Variants in GALNTL6 observed in about 807,000 individuals in gnomAD.
The protein encoded by GALNTL6 is polypeptide N-acetylgalactosaminyltransferase-like 6.
In GALNTL6, 46 loss-of-function variants were observed where a neutral mutation model predicts 73.7. That is an observed-to-expected ratio of 0.62 (90% CI 0.49 to 0.80). GALNTL6 has a LOEUF of 0.80. Among genes scored for constraint, GALNTL6 ranks in the 30% least tolerant of loss-of-function variants. The pLI, the probability that GALNTL6 is intolerant of heterozygous loss-of-function variation, is 0.00. For missense variants in GALNTL6, 604 were observed against 755.0 expected (o/e 0.80, Z 2.34); for synonymous variants, 259 against 263.7 (o/e 0.98, Z 0.17).
At chr4:171,860,146 G>A (rs1735795902) in intron 2 of GALNTL6, among the ~76,000 whole-genome samples, 1 of 152,054 alleles carries the variant, frequency 6.6e-6, no homozygotes, top group African/African-American at 2.4e-5. Flanking sequence ...CACATATTTA[G>A]CTTATAGAAT....
rs145211078 is a variant in GALNTL6, at chr4:172,095,427, A to G, written c.139-134229A>G. On this transcript the variant is annotated intron_variant, in intron 2 of 12. Coordinates refer to ENST00000506823, the MANE Select transcript of GALNTL6 (RefSeq NM_001034845.3). ...GGAAGTGGTGGAAAAAAATGCAAAC[A>G]AAAAGCTGTGCTATGGGCAGAAAAA... is the stretch of plus-strand genomic sequence containing the variant. 3.4e-4 allele frequency among the ~76,000 whole-genome samples: 52 copies of G among 152,292 alleles called. No individual in the cohort carries two copies. The East Asian group carries it at 8.3e-3, about 24-fold the overall frequency.
At chr4:172,657,883 G>A (rs1731127426) in intron 5 of GALNTL6, among the ~76,000 whole-genome samples, 1 of 152,176 alleles carries the variant, frequency 6.6e-6, no homozygotes, top group Non-Finnish European at 1.5e-5. Context: ...GGGCGCCGTG[G>A]CTCACGCCTG....
chr4:171,858,867 AAATT>A, intron 2 of GALNTL6, among the ~76,000 whole-genome samples: 1 of 152,122 alleles, frequency 6.6e-6, no homozygotes, highest in East Asian at 1.9e-4. Flanking sequence ...TACAACTATA[AAATT>A]AATAAGATAT....
intron 4 of GALNTL6, among the ~76,000 whole-genome samples, chr4:172,339,032 G>T (rs1421635928): frequency 6.6e-6 from 1 of 152,128 alleles, no homozygotes; most frequent in Non-Finnish European, 1.5e-5. Flanking sequence ...TGATATGGGT[G>T]AGTGAGTGCT....
chr4:172,738,970 T>C (rs1408941771), intron 5 of GALNTL6, among the ~76,000 whole-genome samples: 1 of 152,160 alleles, frequency 6.6e-6, no homozygotes, highest in African/African-American at 2.4e-5. Context: ...AGTTTTACCA[T>C]GCAGATGAAG....
At chr4:172,939,223 G>A (rs561834354) in intron 9 of GALNTL6, among the ~76,000 whole-genome samples, 39 of 152,294 alleles carry the variant, frequency 2.6e-4, no homozygotes, top group Middle Eastern at 3.4e-3. Context: ...TTGAGCCCGG[G>A]AAGTCAAGGC....
chr4:171,954,946 C>T (rs991586495), intron 2 of GALNTL6, among the ~76,000 whole-genome samples: 2 of 152,172 alleles, frequency 1.3e-5, no homozygotes, highest in African/African-American at 2.4e-5. Flanking sequence ...GAGGCCTCCC[C>T]AGCCCTGCTT....
chr4:172,856,643 A>G (rs1744136752), intron 7 of GALNTL6, among the ~76,000 whole-genome samples: 1 of 87,926 alleles, frequency 1.1e-5, no homozygotes. Flanking sequence ...TGTGGTTTCT[A>G]CTCTTCTGTC....
intron 5 of GALNTL6, among the ~76,000 whole-genome samples, chr4:172,654,049 TACAGAG>T (rs1277102992): frequency 6.6e-6 from 1 of 152,122 alleles, no homozygotes; most frequent in African/African-American, 2.4e-5. Flanking sequence ...CTCTCAAACA[TACAGAG>T]ACAGAGAGAG....
At chr4:171,880,265 G>T (rs1736401440) in intron 2 of GALNTL6, among the ~76,000 whole-genome samples, 1 of 152,134 alleles carries the variant, frequency 6.6e-6, no homozygotes, top group Non-Finnish European at 1.5e-5. Context: ...ACTAAAACAA[G>T]GTTACTTTGT....
chr4:172,264,803 G>A (rs866369053), intron 3 of GALNTL6, among the ~76,000 whole-genome samples: 6 of 149,920 alleles, frequency 4.0e-5, no homozygotes, highest in African/African-American at 1.5e-4. Flanking sequence ...GTATTCATGA[G>A]CTTTATCCTA....
intron 5 of GALNTL6, among the ~76,000 whole-genome samples, chr4:172,689,695 T>C (rs938564189): frequency 1.1e-4 from 16 of 152,216 alleles, no homozygotes; most frequent in Non-Finnish European, 2.1e-4. Flanking sequence ...CTGCTGATGC[T>C]TCTTGCCCTG....
chr4:172,453,071 C>A (rs184599854), intron 5 of GALNTL6, among the ~76,000 whole-genome samples: 1 of 152,160 alleles, frequency 6.6e-6, no homozygotes, highest in African/African-American at 2.4e-5. Context: ...CGTGGTGGTA[C>A]ACACCTGTAG....
chr4:172,379,674 A>G (rs72704804), intron 5 of GALNTL6, among the ~76,000 whole-genome samples: 5,393 of 151,626 alleles, frequency 0.036, 338 homozygotes, highest in East Asian at 0.3. Flanking sequence ...AAAATAAAAT[A>G]AAATAAAATA....
At chr4:172,871,844 C>T (rs1024873536) in intron 7 of GALNTL6, among the ~76,000 whole-genome samples, 5 of 151,658 alleles carry the variant, frequency 3.3e-5, no homozygotes, top group East Asian at 3.9e-4. Context: ...AGTGTGATGG[C>T]GCGATCTTGG....
chr4:172,986,949 G>A (rs1175208801), intron 10 of GALNTL6, among the ~76,000 whole-genome samples: 1 of 152,102 alleles, frequency 6.6e-6, no homozygotes, highest in African/African-American at 2.4e-5. Context: ...GGACTTGCAG[G>A]CCAGAAAGAA....
At chr4:172,057,971 C>G (rs1030084124) in intron 2 of GALNTL6, among the ~76,000 whole-genome samples, 1 of 151,922 alleles carries the variant, frequency 6.6e-6, no homozygotes, top group African/African-American at 2.4e-5. Flanking sequence ...TAGTACCAAA[C>G]TGACTTCATT....
intron 2 of GALNTL6, among the ~76,000 whole-genome samples, chr4:172,155,100 C>A (rs987983173): frequency 6.0e-5 from 9 of 150,722 alleles, no homozygotes; most frequent in African/African-American, 1.9e-4. Context: ...TAGGTTCAAG[C>A]GATTCTGCTG....
intron 2 of GALNTL6, among the ~76,000 whole-genome samples, chr4:172,013,816 T>C (rs1299743472): frequency 6.6e-6 from 1 of 152,020 alleles, no homozygotes. Flanking sequence ...CTTCTAACTA[T>C]TTTTTGGATC....
Sources: allele counts gnomAD v4.1 joint callset (sites outside exome capture counted in the v4.1 genomes callset), GRCh38; gene constraint gnomAD v4.1.1; transcripts MANE v1.5; gene names NCBI Gene and HGNC (gene_info 2026-07-23, HGNC 2026-07-21).